The following TBX18 variants were observed in gnomAD, a reference collection of about 807,000 sequenced individuals.
TBX18 encodes T-box transcription factor 18.
Under a neutral mutation model 55.0 loss-of-function variants are expected in TBX18, and 21 were observed. The ratio of observed to expected loss-of-function variants is 0.38; its 90% confidence interval spans 0.27 to 0.55. The LOEUF (loss-of-function observed/expected upper bound fraction) is 0.55, where lower values mean the gene tolerates loss of function less well. Ranked by LOEUF, TBX18 falls within the 20% of genes least tolerant of loss-of-function variation. The probability of loss-of-function intolerance (pLI) is 0.73; values close to 1 mark genes in which losing one functional copy is unlikely to be tolerated. For synonymous variants in TBX18, 342 were observed against 326.1 expected, an observed-to-expected ratio of 1.05 and a Z score of -0.53; for missense variants, 840 against 799.6, an observed-to-expected ratio of 1.05 and a Z score of -0.61.
intron 2 of TBX18, among the ~76,000 whole-genome samples, chr6:84,761,904 A>G (rs940898555): frequency 1.3e-5 from 2 of 152,214 alleles, no homozygotes; most frequent in Non-Finnish European, 2.9e-5. Context: ...ATAAATAACC[A>G]GGTACTCTAA....
chr6:84,742,759 G>GA (rs926474802), intron 6 of TBX18, among the ~76,000 whole-genome samples: 56 of 150,338 alleles, frequency 3.7e-4, no homozygotes, highest in Admixed American at 2.4e-3. Context: ...TTCTGGTTAA[G>GA]AAAAAAAAAC....
intron 3 of TBX18, among the ~76,000 whole-genome samples, chr6:84,759,445 G>A (rs1349867911): frequency 6.6e-6 from 1 of 151,804 alleles, no homozygotes; most frequent in Non-Finnish European, 1.5e-5. Context: ...CAGTATCTTC[G>A]AATCTTCCAA....
chr6:84,759,712 T>C (rs1767595273), intron 3 of TBX18, among the ~76,000 whole-genome samples: 1 of 152,074 alleles, frequency 6.6e-6, no homozygotes. Flanking sequence ...AAAAATTTAT[T>C]ACCAGTTTAG....
At chr6:84,759,402 C>T (rs888916258) in intron 3 of TBX18, among the ~76,000 whole-genome samples, 1 of 152,028 alleles carries the variant, frequency 6.6e-6, no homozygotes, top group Non-Finnish European at 1.5e-5. Context: ...CAACAAAAAG[C>T]GAGAAAGAAA....
intron 2 of TBX18, among the ~76,000 whole-genome samples, chr6:84,760,779 A>C (rs1767627778): frequency 6.6e-6 from 1 of 152,236 alleles, no homozygotes; most frequent in Non-Finnish European, 1.5e-5. Context: ...AAATTTTTAA[A>C]GGGTTATAAA....
At chr6:84,748,145 C>A in intron 4 of TBX18, 58 bp from the exon 5 acceptor site, 1 of 1,350,764 alleles carries the variant, frequency 7.4e-7, no homozygotes, top group Non-Finnish European at 1.0e-6. Flanking sequence ...CCTCAACAAC[C>A]TGACTAAATA....
At chr6:84,746,190 A>G (rs1386310467) in intron 5 of TBX18, among the ~76,000 whole-genome samples, 2 of 152,088 alleles carry the variant, frequency 1.3e-5, no homozygotes, top group Non-Finnish European at 2.9e-5. Flanking sequence ...CAGAGGGTGG[A>G]AGAAAATATG....
Position 84,760,293 on chromosome 6 carries a change from A to T in TBX18, c.561T>A (p.Ile187=). 1 of 1,608,192 alleles carries T rather than the reference A, an allele frequency of 6.2e-7. No individual in the cohort carries two copies. Among genetic ancestry groups the T allele is most frequent in the Non-Finnish European group, 8.5e-7 (1 of 1,176,476 alleles). The part of the protein sequence containing the change: ...SGLDPHQQYY[I]AMDIVPVDNK... ...TGTCCACTGGTACAATATCCATGGC[A>T]ATGTAATATTGCTGGTGAGGATCTA... The change falls in exon 3 of 8, where the codon ATT becomes ATA. Residue 187 remains isoleucine (I), a synonymous_variant. Transcript: ENST00000369663.
chr6:84,737,387 C>A lies in TBX18; in HGVS notation c.1122G>T (p.Leu374Phe). The change falls in exon 8 of 8, where the codon TTG becomes TTT. Residue 374 changes from leucine (L) to phenylalanine (F), a missense_variant. By Grantham distance (22) the Leu-to-Phe change is conservative. Transcript: ENST00000369663. ...PKQGNASSST[L>F]LQGTGNGVPA... ...GAACGCCATTCCCAGTACCTTGGAG[C>A]AAGGTGGAGGAACTTGCATTGCCTA... 1 of 1,520,200 alleles carries A rather than the reference C, an allele frequency of 6.6e-7. No homozygotes were observed. Among genetic ancestry groups the A allele is most frequent in the South Asian group, 1.3e-5 (1 of 75,544 alleles). 94.2% of individuals were successfully genotyped at this position (1,520,200 alleles called of 1,614,324 possible).
Position 84,736,611 on chromosome 6 carries a change from T to C in TBX18, c.*74A>G. The C allele has an allele frequency of 6.9e-7, 1 of 1,448,330 alleles. No individual in the cohort carries two copies. Among genetic ancestry groups the C allele is most frequent in the Non-Finnish European group, 9.1e-7 (1 of 1,094,414 alleles). 89.7% of individuals were successfully genotyped at this position (1,448,330 alleles called of 1,614,324 possible). A position where few individuals can be genotyped will look rare whatever the true frequency, so the allele number is the denominator to read the frequency against. On this transcript the variant is annotated 3_prime_UTR_variant, in exon 8 of 8. Coordinates refer to ENST00000369663, the MANE Select transcript of TBX18 (RefSeq NM_001080508.3). ...ATTTTATAAACCACAGAGAGTTTCTTTCCACATAGCTTTTAAAAAAGAAAA... is the reference window on the plus strand; with the variant it reads ...ATTTTATAAACCACAGAGAGTTTCTCTCCACATAGCTTTTAAAAAAGAAAA...
Position 84,764,104 on chromosome 6 carries a change from G to A in TBX18, c.78C>T (p.Ile26=), listed in dbSNP as rs775800364. 8.4e-5 allele frequency: 133 copies of A among 1,586,232 alleles called. No homozygotes were observed. In the Middle Eastern group the frequency reaches 1.2e-3, roughly 14 times the overall value. ...GAAGCTGTTGCTGCTTCTCGGCGCC[G>A]ATCAGCGCCTCCACCGAGAAAGCGT... The part of the protein sequence containing the change: ...KAHAFSVEAL[I]GAEKQQQLQK... The change falls in exon 1 of 8, where the codon ATC becomes ATT. Residue 26 remains isoleucine, a synonymous_variant. Coordinates refer to ENST00000369663, the MANE Select transcript of TBX18 (RefSeq NM_001080508.3).
rs766031677 is a variant in TBX18 at position 84,737,271 on chromosome 6, G to T, written c.1238C>A (p.Ala413Asp). Residue 413 changes from alanine (A) to aspartate (D), a missense_variant, in exon 8 of 8, where the codon GCC becomes GAC. By Grantham distance (126) the Ala-to-Asp change is moderately radical. Coordinates refer to ENST00000369663, the MANE Select transcript of TBX18 (RefSeq NM_001080508.3). Reference protein sequence around the residue: ...GPNTSQLCSLAPADYSACARS... With the variant: ...GPNTSQLCSLDPADYSACARS... ...GGCACAGGCAGAATAGTCAGCAGGGGCCAGACTACACAGCTGGCTGGTGTT... is the reference window on the plus strand; with the variant it reads ...GGCACAGGCAGAATAGTCAGCAGGGTCCAGACTACACAGCTGGCTGGTGTT... 4.4e-6 allele frequency: 7 copies of T among 1,609,120 alleles called. No individual in the cohort carries two copies. Among genetic ancestry groups the T allele is most frequent in the Non-Finnish European group, 5.1e-6 (6 of 1,177,434 alleles).
intron 3 of TBX18, among the ~76,000 whole-genome samples, chr6:84,759,120 T>C (rs1329468954): frequency 1.3e-5 from 2 of 152,184 alleles, no homozygotes; most frequent in African/African-American, 2.4e-5. Flanking sequence ...AAATGAACTT[T>C]AATGTTTTCT....
At chr6:84,741,785 A>T (rs998440805) in intron 6 of TBX18, 2 of 152,166 alleles carry the variant, frequency 1.3e-5, no homozygotes, top group African/African-American at 4.8e-5. Flanking sequence ...TAATATAATT[A>T]AAAAATCATG....
At position 84,739,797 on chromosome 6, in the gene TBX18, C is replaced by G. The variant is rs139206013; in HGVS notation, c.1005-1206G>C. ...CAATATGGTGAAAGCTCTCTAAACA[C>G]CAGAGGTAAGTGATTTGTGCCAATA... On this transcript the variant is annotated intron_variant, in intron 6 of 7. Coordinates refer to ENST00000369663, the MANE Select transcript of TBX18 (RefSeq NM_001080508.3). Among the ~76,000 whole-genome samples the G allele has an allele frequency of 2.9e-3, 440 of 152,272 alleles. 3 individuals carry two copies. The highest frequency in any genetic ancestry group is 9.6e-3 in the African/African-American group (401 of 41,556).
intron 6 of TBX18, among the ~76,000 whole-genome samples, chr6:84,742,762 A>G (rs937906640): frequency 1.3e-5 from 2 of 152,138 alleles, no homozygotes; most frequent in Admixed American, 1.3e-4. Flanking sequence ...TGGTTAAGAA[A>G]AAAAAACTGA....
rs780787496 is a variant in TBX18, at chr6:84,736,905, G to C, written c.1604C>G (p.Ser535Cys). ...ACTGGCAGCCAGTTTGGGGGATGTG[G>C]AGAAGTTATATCCATATAGTGCACA... is the stretch of plus-strand genomic sequence containing the variant. ...SPCALYGYNF[S>C]TSPKLAASPE... The change falls in exon 8 of 8, where the codon TCC (serine) becomes TGC (cysteine). Residue 535 changes from serine to cysteine, a missense_variant. Transcript: ENST00000369663. The C allele has an allele frequency of 3.1e-6, 5 of 1,613,170 alleles. No individual in the cohort carries two copies. Among genetic ancestry groups the C allele is most frequent in the Non-Finnish European group, 4.2e-6 (5 of 1,179,616 alleles).
At position 84,764,257 on chromosome 6, in the gene TBX18, C is replaced by T; in HGVS notation, c.-76G>A. On this transcript the variant is annotated 5_prime_UTR_variant, in exon 1 of 8. Coordinates refer to ENST00000369663, the MANE Select transcript of TBX18 (RefSeq NM_001080508.3). Reference sequence around the variant, plus strand: ...CACACGCGCGCTCTCGCTCTTCCCCCACCAAAAACTAAAAGGCTCTCGGGG... The same window carrying T: ...CACACGCGCGCTCTCGCTCTTCCCCTACCAAAAACTAAAAGGCTCTCGGGG... 1 of 1,373,770 alleles carries T rather than the reference C, an allele frequency of 7.3e-7. No homozygotes were observed. The allele number at this position is 1,373,770 out of a possible 1,614,324, so 85.1% of individuals were successfully genotyped here.
intron 7 of TBX18, among the ~76,000 whole-genome samples, chr6:84,737,938 T>A (rs920265167): frequency 1.3e-5 from 2 of 152,194 alleles, no homozygotes; most frequent in African/African-American, 4.8e-5. Flanking sequence ...AAAGCCTGAA[T>A]GTAGAAGTGA....
Sources: allele counts gnomAD v4.1 joint callset (sites outside exome capture counted in the v4.1 genomes callset), GRCh38; gene constraint gnomAD v4.1.1; transcripts MANE v1.5; gene names NCBI Gene and HGNC (gene_info 2026-07-23, HGNC 2026-07-21).